Variants in CADPS2 observed in about 807,000 individuals in gnomAD.
The protein encoded by CADPS2 is calcium dependent secretion activator 2.
In CADPS2, 93 loss-of-function variants were observed where a neutral mutation model predicts 172.5. The ratio of observed to expected loss-of-function variants is 0.54; its 90% CI spans 0.46 to 0.64. The LOEUF (loss-of-function observed/expected upper bound fraction) is 0.64, where lower values mean the gene tolerates loss of function less well. Ranked by LOEUF, CADPS2 falls within the 30% of genes least tolerant of loss-of-function variation. CADPS2 has a pLI of 0.00. For missense variants in CADPS2, 1,420 were observed against 1,565.9 expected (o/e 0.91, Z 1.57); for synonymous variants, 546 against 555.2 (o/e 0.98, Z 0.23).
At chr7:122,577,088 C>A (rs1236796282) in intron 7 of CADPS2, among the ~76,000 whole-genome samples, 1 of 151,886 alleles carries the variant, frequency 6.6e-6, no homozygotes, top group African/African-American at 2.4e-5. Context: ...AAGCTTCTGG[C>A]ATTTCCCCTG....
intron 19 of CADPS2, among the ~76,000 whole-genome samples, chr7:122,411,545 A>G (rs1170947457): frequency 6.6e-6 from 1 of 152,156 alleles, no homozygotes; most frequent in African/African-American, 2.4e-5. Flanking sequence ...TCAAAATATA[A>G]TAAAAATTTA....
At chr7:122,574,948 C>G (rs1258148947) in intron 7 of CADPS2, among the ~76,000 whole-genome samples, 2 of 152,020 alleles carry the variant, frequency 1.3e-5, no homozygotes, top group Non-Finnish European at 2.9e-5. Flanking sequence ...AGTGATAATA[C>G]TTAATTAAAA....
intron 24 of CADPS2, 178 bp from the exon 25 acceptor site, chr7:122,379,620 T>G: frequency 1.8e-6 from 1 of 549,410 alleles, no homozygotes; most frequent in Non-Finnish European, 3.3e-6. Context: ...TTTTACATTG[T>G]GGTTTGAAAA....
chr7:122,721,031 T>A (rs1036253460), intron 2 of CADPS2, among the ~76,000 whole-genome samples: 2 of 152,062 alleles, frequency 1.3e-5, no homozygotes, highest in African/African-American at 4.8e-5. Context: ...AATTTCTGTG[T>A]GCATAATATT....
intron 2 of CADPS2, among the ~76,000 whole-genome samples, chr7:122,693,619 T>C (rs572089369): frequency 6.6e-6 from 1 of 152,148 alleles, no homozygotes; most frequent in Admixed American, 6.5e-5. Context: ...GTGATTCCGA[T>C]GTGCAGCCAA....
chr7:122,636,997 G>T (rs2077129652), intron 3 of CADPS2, among the ~76,000 whole-genome samples: 1 of 151,628 alleles, frequency 6.6e-6, no homozygotes, highest in African/African-American at 2.4e-5. Flanking sequence ...TGTAGATTTG[G>T]TGTCTTCATA....
chr7:122,544,062 G>C (rs923672952), intron 8 of CADPS2, among the ~76,000 whole-genome samples: 2 of 152,018 alleles, frequency 1.3e-5, no homozygotes, highest in African/African-American at 2.4e-5. Flanking sequence ...TACGAGCTCA[G>C]CAGTTCCACT....
chr7:122,425,723 T>C (rs2049088781), intron 17 of CADPS2, among the ~76,000 whole-genome samples: 1 of 152,230 alleles, frequency 6.6e-6, no homozygotes, highest in African/African-American at 2.4e-5. Flanking sequence ...TCTTTATATA[T>C]ACATTGTATC....
intron 16 of CADPS2, chr7:122,440,099 C>T (rs2051160271): frequency 6.6e-6 from 1 of 152,082 alleles, no homozygotes; most frequent in Non-Finnish European, 1.5e-5. Flanking sequence ...TTTTCAATAT[C>T]AGTAAGTAAA....
At chr7:122,403,784 C>T (rs893894320) in intron 20 of CADPS2, among the ~76,000 whole-genome samples, 1 of 151,954 alleles carries the variant, frequency 6.6e-6, no homozygotes, top group Non-Finnish European at 1.5e-5. Flanking sequence ...ATAAGTAATT[C>T]CATTCATTGT....
At chr7:122,717,635 C>T (rs544724089) in intron 2 of CADPS2, among the ~76,000 whole-genome samples, 1 of 152,246 alleles carries the variant, frequency 6.6e-6, no homozygotes, top group African/African-American at 2.4e-5. Flanking sequence ...TCTTCTTATA[C>T]AACCTGCAGC....
At chr7:122,410,887 C>T (rs1383120883) in intron 19 of CADPS2, among the ~76,000 whole-genome samples, 1 of 152,130 alleles carries the variant, frequency 6.6e-6, no homozygotes, top group Non-Finnish European at 1.5e-5. Flanking sequence ...TACTTAGTCC[C>T]CCAAACAATT....
chr7:122,881,807 T>C (rs756444480), intron 1 of CADPS2, among the ~76,000 whole-genome samples: 107 of 152,302 alleles, frequency 7.0e-4, no homozygotes, highest in Non-Finnish European at 1.3e-3. Context: ...TATGGCTTTC[T>C]TTAGGGGAAT....
intron 2 of CADPS2, among the ~76,000 whole-genome samples, chr7:122,687,704 T>TA (rs2083818439): frequency 6.6e-6 from 1 of 152,236 alleles, no homozygotes; most frequent in Non-Finnish European, 1.5e-5. Context: ...TTGCCAGCTT[T>TA]ACTCAGCCTG....
intron 8 of CADPS2, among the ~76,000 whole-genome samples, chr7:122,538,426 T>C (rs2131518329): frequency 6.6e-6 from 1 of 150,750 alleles, no homozygotes; most frequent in Admixed American, 6.6e-5. Flanking sequence ...AAAGAACATT[T>C]ACCTTAACTC....
intron 17 of CADPS2, among the ~76,000 whole-genome samples, chr7:122,437,746 C>T (rs1163315011): frequency 6.6e-6 from 1 of 150,894 alleles, no homozygotes; most frequent in Non-Finnish European, 1.5e-5. Flanking sequence ...CCACAAATTC[C>T]AATCTACTTA....
chr7:122,601,742 C>T (rs181757808), intron 6 of CADPS2, among the ~76,000 whole-genome samples: 6 of 151,942 alleles, frequency 3.9e-5, no homozygotes, highest in Admixed American at 3.9e-4. Flanking sequence ...GAAAACAAAA[C>T]AAAACTTAAG....
chr7:122,822,365 C>T (rs1198185336), intron 1 of CADPS2, among the ~76,000 whole-genome samples: 1 of 151,988 alleles, frequency 6.6e-6, no homozygotes, highest in Non-Finnish European at 1.5e-5. Context: ...TCACCCCTTA[C>T]CACAAGACCT....
chr7:122,640,524 A>C (rs2077514143), intron 3 of CADPS2, among the ~76,000 whole-genome samples: 1 of 152,056 alleles, frequency 6.6e-6, no homozygotes, highest in South Asian at 2.1e-4. Flanking sequence ...AAAAAAAAGA[A>C]GGGAAGGGGA....
Sources: gnomAD v4.1 joint callset for allele counts (sites outside exome capture counted in the v4.1 genomes callset) on GRCh38, gnomAD v4.1.1 for gene constraint, MANE v1.5 for transcripts, NCBI Gene and HGNC (gene_info 2026-07-23, HGNC 2026-07-21) for gene names.